The following WRAP73 variants were observed in gnomAD, a reference collection of about 807,000 sequenced individuals.
WRAP73 encodes WD repeat-containing protein WRAP73.
A neutral mutation model predicts 59.6 loss-of-function variants in WRAP73; 55 were observed. That is an observed-to-expected ratio of 0.92 (90% CI 0.74 to 1.15). The LOEUF (loss-of-function observed/expected upper bound fraction) is 1.15. Among genes scored for constraint, WRAP73 ranks in the 50% most tolerant of loss-of-function variants. The pLI, the probability that WRAP73 is intolerant of heterozygous loss-of-function variation, is 0.00. For missense variants in WRAP73, 592 were observed against 608.1 expected (o/e 0.97, Z 0.28); for synonymous variants, 265 against 258.2 (o/e 1.03, Z -0.25).
Position 3,647,514 on chromosome 1 carries a change from AG to A in WRAP73, c.115del (p.Leu39PhefsTer10). 6.2e-7 allele frequency: 1 copy of A among 1,613,990 alleles called. No homozygotes were observed. Among genetic ancestry groups the A allele is most frequent in the Non-Finnish European group, 8.5e-7 (1 of 1,179,934 alleles). ...GCACGTGTACAGCTGAAGGATCTGA[AG>A]GGTGTTCACATCCCGGACCACTAAC... is the stretch of plus-strand genomic sequence containing the variant. ...YRLVVRDVNT[L>X]QILQLYTCLD... On this transcript the variant is annotated frameshift_variant, in exon 2 of 12. Transcript: ENST00000270708. LOFTEE classifies it high-confidence loss of function.
At chr1:3,649,159 C>A (rs1424340360) in intron 1 of WRAP73, among the ~76,000 whole-genome samples, 1 of 152,212 alleles carries the variant, frequency 6.6e-6, no homozygotes, top group Non-Finnish European at 1.5e-5. Flanking sequence ...TTATCCCTCT[C>A]TTCTGAGGAT....
At chr1:3,631,842 C>T (rs1468217882) in intron 10 of WRAP73, 185 bp from the exon 11 acceptor site, 2 of 1,408,972 alleles carry the variant, frequency 1.4e-6, no homozygotes, top group Non-Finnish European at 1.8e-6. Context: ...CCAGGGTGGC[C>T]ATCACGGGCT....
chr1:3,636,648 C>T (rs1338155780), intron 5 of WRAP73: 7 of 380,982 alleles, frequency 1.8e-5, no homozygotes, highest in African/African-American at 8.4e-5. Flanking sequence ...CCTGGCAGAG[C>T]GCCCTGCCTA....
Position 3,646,184 on chromosome 1 carries a change from C to T in WRAP73, c.339+482G>A, listed in dbSNP as rs1484364904. ...GGGCAGCAGACAGTGCCTGTGTTCA[C>T]GACACCCTTATCTGACTCAGTAGCA... On this transcript the variant is annotated intron_variant, in intron 3 of 11. Transcript: ENST00000270708. This position sits in a 1 kb window ranked among gnomAD's most constrained non-coding sequence, Gnocchi z 5.1. 6.6e-6 allele frequency among the ~76,000 whole-genome samples: 1 copy of T among 152,186 alleles called. No individual in the cohort carries two copies. Among genetic ancestry groups the T allele is most frequent in the Admixed American group, 6.5e-5 (1 of 15,276 alleles).
In WRAP73 at chr1:3,638,898, C is replaced by T. The variant is rs78047291; in HGVS notation, c.340-76G>A. 2.8e-3 allele frequency: 4,326 copies of T among 1,534,044 alleles called. 102 individuals are homozygous for T. In the African/African-American group the frequency reaches 0.053, roughly 19 times the overall value. ...GAGACCGTCTCAATCCTCAACCCGC[C>T]CACGCGTCCCCAAGCACAGGCCTGA... On this transcript the variant is annotated intron_variant, in intron 3 of 11. Transcript: ENST00000270708.
rs1644700989 is a variant in WRAP73, at chr1:3,647,301, G to A, written c.222+107C>T. On this transcript the variant is annotated intron_variant, in intron 2 of 11. Transcript: ENST00000270708. ...ATAATTTCAAAAGAAAACTGGCTTTGAGCTGCACGGACTTTTTTTTCAAAC... is the reference window on the plus strand; with the variant it reads ...ATAATTTCAAAAGAAAACTGGCTTTAAGCTGCACGGACTTTTTTTTCAAAC... The A allele has an allele frequency of 7.3e-6, 9 of 1,236,918 alleles. No individual in the cohort carries two copies. The East Asian group carries it at 2.6e-4, about 35-fold the overall frequency. The allele number at this position is 1,236,918 out of a possible 1,614,324, so 76.6% of individuals were successfully genotyped here.
At chr1:3,631,832 C>A in intron 10 of WRAP73, 175 bp from the exon 11 acceptor site, 2 of 1,414,544 alleles carry the variant, frequency 1.4e-6, no homozygotes, top group Non-Finnish European at 1.8e-6. Flanking sequence ...CTGGCCAGGG[C>A]CAGGGTGGCC....
At chr1:3,633,545 C>T (rs369298700) in intron 8 of WRAP73, 42 bp from the exon 9 acceptor site, 25 of 1,488,618 alleles carry the variant, frequency 1.7e-5, no homozygotes, top group Non-Finnish European at 2.3e-5. Flanking sequence ...AGGACAGGGA[C>T]CCGGAAGCCA....
intron 3 of WRAP73, among the ~76,000 whole-genome samples, chr1:3,643,614 C>T (rs1434544226): frequency 6.7e-6 from 1 of 148,750 alleles, no homozygotes; most frequent in Non-Finnish European, 1.5e-5. Flanking sequence ...CCAGCGGCCC[C>T]GCTGAGCCCC....
In WRAP73 at chr1:3,646,392, T is replaced by C. The variant is rs74224224; in HGVS notation, c.339+274A>G. 0.044 allele frequency among the ~76,000 whole-genome samples: 6,752 copies of C among 152,342 alleles called. 318 individuals are homozygous for C. Among genetic ancestry groups the C allele is most frequent in the East Asian group, 0.23 (1,170 of 5,192 alleles). On this transcript the variant is annotated intron_variant, in intron 3 of 11. Coordinates refer to ENST00000270708, the MANE Select transcript of WRAP73 (RefSeq NM_017818.4). This position sits in a 1 kb window ranked among gnomAD's most constrained non-coding sequence, Gnocchi z 5.1. ...TCTATCCATGCAATTATAAACAGTA[T>C]ATTGTTATCCTTGTTCTATACTATG...
chr1:3,641,845 T>C (rs1644649144), intron 3 of WRAP73, among the ~76,000 whole-genome samples: 2 of 152,216 alleles, frequency 1.3e-5, no homozygotes, highest in South Asian at 4.1e-4. Flanking sequence ...GATGCAGAAA[T>C]GTAGAAGGTA....
chr1:3,635,455 T>A (rs181325585), intron 6 of WRAP73, 161 bp from the exon 7 acceptor site: 5 of 919,742 alleles, frequency 5.4e-6, no homozygotes, highest in Non-Finnish European at 8.1e-6. Context: ...AGTACTGAGA[T>A]AGTCACGGAG....
chr1:3,637,120 C>A (rs765009699), intron 4 of WRAP73, 22 bp from the exon 5 acceptor site: 57 of 1,585,894 alleles, frequency 3.6e-5, no homozygotes, highest in Non-Finnish European at 4.8e-5. Context: ...GGCAAATGCA[C>A]TGAAATCAAG....
rs1644557851 is a variant in WRAP73, at chr1:3,633,416, G to A, written c.904C>T (p.Pro302Ser). 1.2e-6 allele frequency: 2 copies of A among 1,612,908 alleles called. No individual in the cohort carries two copies. Among genetic ancestry groups the A allele is most frequent in the Non-Finnish European group, 1.7e-6 (2 of 1,179,914 alleles). The change falls in exon 9 of 12, where the codon CCG becomes TCG. Residue 302 changes from proline to serine, a missense_variant. Physicochemically the swap from Pro to Ser is moderately conservative, Grantham distance 74. Transcript: ENST00000270708. The part of the protein sequence containing the change: ...PPPRAGAGPL[P>S]SSESKYEIAS... ...TACTTACATTTACTCTCTGAGCTCG[G>A]GAGAGGGCCGGCCCCGGCCCGGGGC...
intron 3 of WRAP73, among the ~76,000 whole-genome samples, chr1:3,641,015 A>G (rs1644639225): frequency 6.6e-6 from 1 of 152,274 alleles, no homozygotes; most frequent in Non-Finnish European, 1.5e-5. Context: ...AAAACCTTTA[A>G]AAGATAACTT....
intron 3 of WRAP73, among the ~76,000 whole-genome samples, chr1:3,641,727 AT>A (rs1262681943): frequency 6.6e-6 from 1 of 152,238 alleles, no homozygotes; most frequent in Non-Finnish European, 1.5e-5. Flanking sequence ...TCTCTTGCTT[AT>A]AAATTGTTTT....
intron 10 of WRAP73, chr1:3,631,901 T>TA (rs1644538809): frequency 7.2e-7 from 1 of 1,380,130 alleles, no homozygotes; most frequent in Non-Finnish European, 9.3e-7. Flanking sequence ...TTTTTTTTTT[T>TA]AGCCCTTTAC....
At chr1:3,632,019 G>C (rs890020716) in intron 10 of WRAP73, 194 bp downstream of exon 10, 3 of 1,469,530 alleles carry the variant, frequency 2.0e-6, no homozygotes, top group Admixed American at 5.1e-5. Context: ...ACTCATGCGC[G>C]GACCTGCGGC....
intron 9 of WRAP73, chr1:3,632,641 A>G: frequency 2.4e-6 from 1 of 423,860 alleles, no homozygotes; most frequent in Non-Finnish European, 4.4e-6. Context: ...CTGCAATCTC[A>G]GCAGCTCCAA....
Sources: allele counts gnomAD v4.1 joint callset (sites outside exome capture counted in the v4.1 genomes callset), GRCh38; gene constraint gnomAD v4.1.1; non-coding constraint Gnocchi (gnomAD v3.1); transcripts MANE v1.5; gene names NCBI Gene and HGNC (gene_info 2026-07-23, HGNC 2026-07-21).